The following PCDH11X variants were observed in gnomAD, a reference collection of about 807,000 sequenced individuals.
PCDH11X encodes the protein protocadherin 11 X-linked, also known as protocadherin-11 X-linked.
In PCDH11X, 18 loss-of-function variants were observed where a neutral mutation model predicts 53.3. That is an observed-to-expected ratio of 0.34 (90% CI 0.23 to 0.50). The LOEUF (loss-of-function observed/expected upper bound fraction) is 0.50, where lower values mean the gene tolerates loss of function less well. PCDH11X is among the 20% of genes least tolerant of loss of function. The pLI is 0.98. For synonymous variants in PCDH11X, 279 were observed against 393.3 expected, an observed-to-expected ratio of 0.71 and a Z score of 3.44; for missense variants, 570 against 1,032.4, an observed-to-expected ratio of 0.55 and a Z score of 6.14.
At chrX:92,075,853 T>G (rs1315380965) in intron 6 of PCDH11X, among the ~76,000 whole-genome samples, 1 of 111,044 alleles carries the variant, frequency 9.0e-6, no homozygotes. Flanking sequence ...TTGTGATCAA[T>G]TTCCCCAAGA....
intron 8 of PCDH11X, among the ~76,000 whole-genome samples, chrX:92,346,702 G>C (rs1483916371): frequency 1.8e-5 from 2 of 111,711 alleles, no homozygotes; most frequent in East Asian, 2.8e-4. Context: ...TCTTTTACTT[G>C]ACGTTCAATA....
intron 6 of PCDH11X, among the ~76,000 whole-genome samples, chrX:91,922,461 T>C (rs1255514023): frequency 1.8e-5 from 2 of 111,673 alleles, no homozygotes; most frequent in Middle Eastern, 4.6e-3. Flanking sequence ...GGACTGGTAC[T>C]GGTCCCTGAC....
At chrX:92,580,019 G>A (rs1016123399) in intron 10 of PCDH11X, among the ~76,000 whole-genome samples, 1 of 105,822 alleles carries the variant, frequency 9.4e-6, no homozygotes, top group Admixed American at 1.0e-4. Flanking sequence ...ATTGCTGGGG[G>A]TCCACTCCAG....
At chrX:92,337,356 C>T in intron 8 of PCDH11X, among the ~76,000 whole-genome samples, 1 of 109,731 alleles carries the variant, frequency 9.1e-6, no homozygotes, top group Non-Finnish European at 1.9e-5. Flanking sequence ...TTCTTGCTCC[C>T]TTTGGTAAGT....
chrX:91,889,260 A>AT (rs1268572833), intron 6 of PCDH11X, among the ~76,000 whole-genome samples: 1 of 111,411 alleles, frequency 9.0e-6, no homozygotes, highest in Admixed American at 9.6e-5. Context: ...AATTGAGTGT[A>AT]TTTTTTGCAG....
intron 6 of PCDH11X, among the ~76,000 whole-genome samples, chrX:91,941,842 A>T (rs1330363693): frequency 5.4e-5 from 6 of 111,547 alleles, no homozygotes; most frequent in Admixed American, 3.8e-4. Context: ...AATTCATGTT[A>T]TAGAAAGTAT....
At chrX:92,449,307 C>A (rs1224762440) in intron 9 of PCDH11X, among the ~76,000 whole-genome samples, 1 of 111,917 alleles carries the variant, frequency 8.9e-6, no homozygotes, top group African/African-American at 3.2e-5. Flanking sequence ...CAGCTTCAAT[C>A]TTCTGTATTA....
At chrX:92,313,125 T>C (rs1335236220) in intron 8 of PCDH11X, among the ~76,000 whole-genome samples, 1 of 111,540 alleles carries the variant, frequency 9.0e-6, no homozygotes, top group Admixed American at 9.6e-5. Context: ...TCAGTGACAA[T>C]AGTAAAAAGC....
intron 6 of PCDH11X, among the ~76,000 whole-genome samples, chrX:91,917,274 C>T (rs1450503681): frequency 5.5e-4 from 59 of 106,387 alleles, no homozygotes; most frequent in Non-Finnish European, 6.2e-4. Context: ...TCCAGTTTTA[C>T]CACTTCTCTT....
intron 10 of PCDH11X, among the ~76,000 whole-genome samples, chrX:92,485,002 A>C (rs1158278106): frequency 2.7e-5 from 3 of 110,832 alleles, no homozygotes; most frequent in Non-Finnish European, 5.7e-5. Flanking sequence ...TTCTTTAAAA[A>C]TTAATTATAC....
intron 10 of PCDH11X, among the ~76,000 whole-genome samples, chrX:92,552,994 CGTGTGTGTGTGTGTGTGTGTGTGT>C (rs57655496): frequency 2.2e-5 from 2 of 88,909 alleles, no homozygotes; most frequent in African/African-American, 8.2e-5. Context: ...CTGCAATTTT[CGTGTGTGTGTGTGTGTGTGTGTGT>C]GTGTGTGTGT....
chrX:92,398,968 G>A (rs1440044530), intron 9 of PCDH11X, among the ~76,000 whole-genome samples: 1 of 109,947 alleles, frequency 9.1e-6, no homozygotes, highest in Non-Finnish European at 1.9e-5. Context: ...TGAGGCGGGC[G>A]GATCACGAGG....
intron 8 of PCDH11X, among the ~76,000 whole-genome samples, chrX:92,316,320 C>T (rs1603268467): frequency 9.0e-6 from 1 of 111,081 alleles, no homozygotes; most frequent in East Asian, 2.8e-4. Flanking sequence ...CATAAAATCG[C>T]ATAAGATGCT....
At chrX:92,439,040 T>C (rs760081635) in intron 9 of PCDH11X, among the ~76,000 whole-genome samples, 48 of 111,212 alleles carry the variant, frequency 4.3e-4, no homozygotes, top group Middle Eastern at 9.3e-3. Context: ...GAATTTTTAA[T>C]ACTTTTGTAT....
chrX:92,352,288 A>G (rs2070071336), intron 8 of PCDH11X, among the ~76,000 whole-genome samples: 1 of 111,660 alleles, frequency 9.0e-6, no homozygotes, highest in African/African-American at 3.3e-5. Context: ...AGGTGAGAAA[A>G]CTGATGTCAA....
In PCDH11X at chrX:92,387,868, A is replaced by G. The variant is rs1485954754; in HGVS notation, c.3278A>G (p.Glu1093Gly). The G allele has an allele frequency of 1.7e-6, 2 of 1,211,140 alleles. No individual in the cohort carries two copies. The highest frequency in any genetic ancestry group is 5.9e-5 in the East Asian group (2 of 33,801). ...HGLPLGYPQE[E>G]YFDRATPSNR... ...CTGCCCCTTGGCTATCCTCAGGAGGAGTACTTTGATCGTGCTACACCCAGC... is the reference window on the plus strand; with the variant it reads ...CTGCCCCTTGGCTATCCTCAGGAGGGGTACTTTGATCGTGCTACACCCAGC... The change falls in exon 9 of 11, where the codon GAG becomes GGG. Residue 1093 changes from glutamate to glycine, a missense_variant. This residue lies in a region of PCDH11X where 234 missense variants were observed against 296.1 expected (regional missense o/e 0.79). Coordinates refer to ENST00000682573, the MANE Select transcript of PCDH11X (RefSeq NM_032968.5).
chrX:91,965,371 T>A (rs1307604914), intron 6 of PCDH11X, among the ~76,000 whole-genome samples: 2 of 110,194 alleles, frequency 1.8e-5, no homozygotes, highest in African/African-American at 6.7e-5. Flanking sequence ...TTTTTGTATG[T>A]CAAGCATGCA....
At position 92,320,805 on chromosome X, in the gene PCDH11X, T is replaced by A. The variant is rs182257630; in HGVS notation, c.3144+57662T>A. Among the ~76,000 whole-genome samples the A allele has an allele frequency of 2.2e-4, 24 of 110,945 alleles. No homozygotes were observed. In the East Asian group the frequency reaches 6.6e-3, roughly 30 times the overall value. ...AGACAGGCACTTTAAAGAAGAGGGA[T>A]TGGGGTAGGAGCGTTATGCTGAACA... On this transcript the variant is annotated intron_variant, in intron 8 of 10. Coordinates refer to ENST00000682573, the MANE Select transcript of PCDH11X (RefSeq NM_032968.5).
At chrX:92,465,008 T>G (rs1392187460) in intron 9 of PCDH11X, among the ~76,000 whole-genome samples, 2 of 110,916 alleles carry the variant, frequency 1.8e-5, no homozygotes, top group Non-Finnish European at 3.8e-5. Flanking sequence ...TTGCATATGC[T>G]AGTCCATGCT....
Sources: gnomAD v4.1 joint callset for allele counts (sites outside exome capture counted in the v4.1 genomes callset) on GRCh38, gnomAD v4.1.1 for gene constraint, gnomAD v4.1.1 regional missense constraint, MANE v1.5 for transcripts, NCBI Gene and HGNC (gene_info 2026-07-23, HGNC 2026-07-21) for gene names.